The following NPHP3 variants were observed in gnomAD, a reference collection of about 807,000 sequenced individuals.
NPHP3 encodes the protein nephrocystin-3.
A neutral mutation model predicts 171.9 loss-of-function variants in NPHP3; 123 were observed. The observed-to-expected ratio is 0.72, with a 90% CI of 0.62 to 0.83. The LOEUF (loss-of-function observed/expected upper bound fraction) is 0.83. NPHP3 is among the 40% of genes least tolerant of loss of function. The pLI is 0.00. For synonymous variants in NPHP3, 558 were observed against 579.2 expected (o/e 0.96, Z 0.52); for missense variants, 1,506 against 1,591.9 (o/e 0.95, Z 0.92).
chr3:132,702,953 A>T (rs892119309), intron 9 of NPHP3, among the ~76,000 whole-genome samples: 1 of 152,180 alleles, frequency 6.6e-6, no homozygotes, highest in Non-Finnish European at 1.5e-5. Context: ...GCCAGAAAAG[A>T]ACGAGGTTCA....
intron 9 of NPHP3, 24 bp downstream of exon 9, chr3:132,704,174 T>C: frequency 6.2e-7 from 1 of 1,608,994 alleles, no homozygotes; most frequent in Non-Finnish European, 8.5e-7. Flanking sequence ...AGATCTTTGT[T>C]GCAATAATAC....
At position 132,684,664 on chromosome 3, in the gene NPHP3, C is replaced by A. The variant is rs1939110804; in HGVS notation, c.3460G>T (p.Ala1154Ser). Reference protein sequence around the residue: ...LCNEKKQYDKAEELYERALDI... With the variant: ...LCNEKKQYDKSEELYERALDI... ...AAAGCTCTTTCATAAAGTTCTTCTG[C>A]TTTATCATACTGTTTCTTTTCATTG... The change falls in exon 24 of 27, where the codon GCA (alanine) becomes TCA (serine). Residue 1154 changes from alanine (A) to serine (S), a missense_variant. Physicochemically the swap from Ala to Ser is moderately conservative, Grantham distance 99 (BLOSUM62 1). Transcript: ENST00000337331. 1 of 1,613,946 alleles carries A rather than the reference C, an allele frequency of 6.2e-7. No homozygotes were observed. The highest frequency in any genetic ancestry group is 1.3e-5 in the African/African-American group (1 of 74,934).
At chr3:132,690,691 A>G (rs780787029) in intron 18 of NPHP3, 41 bp from the exon 19 acceptor site, 9 of 1,607,468 alleles carry the variant, frequency 5.6e-6, no homozygotes, top group Admixed American at 1.7e-5. Context: ...TCTTCCTACA[A>G]TGAGACTGCT....
intron 15 of NPHP3, chr3:132,695,251 T>C (rs554516184): frequency 9.0e-6 from 3 of 333,316 alleles, no homozygotes; most frequent in East Asian, 6.7e-5. Flanking sequence ...ACGGTTCTTA[T>C]TATCCAGAAG....
intron 8 of NPHP3, among the ~76,000 whole-genome samples, chr3:132,705,349 C>G (rs745588161): frequency 1.2e-4 from 18 of 152,136 alleles, no homozygotes; most frequent in South Asian, 2.1e-4. Context: ...GCTTTCATCC[C>G]CCTCTTCTGT....
intron 16 of NPHP3, 132 bp downstream of exon 16, chr3:132,694,695 T>C: frequency 2.1e-6 from 2 of 954,420 alleles, no homozygotes; most frequent in Non-Finnish European, 1.6e-6. Flanking sequence ...ACAAGCACAC[T>C]ATGGCTATCA....
chr3:132,710,226 T>C (rs913543753), intron 6 of NPHP3, among the ~76,000 whole-genome samples: 3 of 151,926 alleles, frequency 2.0e-5, no homozygotes, highest in African/African-American at 7.3e-5. Flanking sequence ...AGATGTAGCT[T>C]TGTGGGGCTG....
chr3:132,709,444 A>G (rs951508046), intron 6 of NPHP3, among the ~76,000 whole-genome samples: 2 of 151,908 alleles, frequency 1.3e-5, no homozygotes, highest in Non-Finnish European at 2.9e-5. Flanking sequence ...CACCACACCC[A>G]GCTAATTTTT....
rs200233813 is a variant in NPHP3, at chr3:132,722,024, G to A, written c.332C>T (p.Ser111Phe). The A allele has an allele frequency of 1.0e-4, 166 of 1,613,106 alleles. No individual in the cohort carries two copies. Among genetic ancestry groups the A allele is most frequent in the Non-Finnish European group, 1.3e-4 (154 of 1,179,906 alleles). Residue 111 changes from serine to phenylalanine, a missense_variant, in exon 1 of 27, where the codon TCC becomes TTC. Coordinates refer to ENST00000337331, the MANE Select transcript of NPHP3 (RefSeq NM_153240.5). ...FRVSKNQELL[S>F]MGRREAKLDT... ...CAGCTTGGCCTCGCGGCGGCCCATG[G>A]ACAACAACTCCTGGTTCTTGCTGAC...
chr3:132,697,307 T>C lies in NPHP3; in HGVS notation c.2041A>G (p.Ile681Val), dbSNP rs1218293876. 9.9e-6 allele frequency: 16 copies of C among 1,612,468 alleles called. No homozygotes were observed. Among genetic ancestry groups the C allele is most frequent in the African/African-American group, 2.7e-5 (2 of 74,926 alleles). Reference protein sequence around the residue: ...PLSPKDAKSIIIAECHSVDIK... With the variant: ...PLSPKDAKSIVIAECHSVDIK... ...TCTACAGAGTGGCATTCTGCAATTA[T>C]AATAGATTTTGCATCTTTTGGACTT... The change falls in exon 14 of 27, where the codon ATA becomes GTA. Residue 681 changes from isoleucine to valine, a missense_variant. Physicochemically the swap from Ile to Val is conservative, Grantham distance 29 (BLOSUM62 3). This residue lies in a region of NPHP3 where 930 missense variants were observed against 924.9 expected (regional missense o/e 1.01). Transcript: ENST00000337331.
chr3:132,692,857 C>T, intron 16 of NPHP3, 39 bp from the exon 17 acceptor site: 1 of 1,566,880 alleles, frequency 6.4e-7, no homozygotes, highest in Non-Finnish European at 8.8e-7. Context: ...CATAAAGCAC[C>T]TGTATAAGTA....
rs768252356 is a variant in NPHP3 at position 132,713,225 on chromosome 3, T to C, written c.1019A>G (p.Tyr340Cys). 6.2e-7 allele frequency: 1 copy of C among 1,600,174 alleles called. No individual in the cohort carries two copies. The highest frequency in any genetic ancestry group is 8.5e-7 in the Non-Finnish European group (1 of 1,170,878). ...TTGATTTTCAACATCTATTGGAAAA[T>C]AAACAGCATGGAAAAAATATCCCAT... ...ETMGYFFHAV[Y>C]FPIDVENQYL... Residue 340 changes from tyrosine (Y) to cysteine (C), a missense_variant, in exon 6 of 27, where the codon TAT becomes TGT. Tyr to Cys is a radical substitution (Grantham distance 194, BLOSUM62 -2). This residue lies in a region of NPHP3 where 930 missense variants were observed against 924.9 expected (regional missense o/e 1.01). Coordinates refer to ENST00000337331, the MANE Select transcript of NPHP3 (RefSeq NM_153240.5).
intron 2 of NPHP3, 52 bp from the exon 3 acceptor site, chr3:132,719,196 G>T: frequency 7.0e-7 from 1 of 1,419,566 alleles, no homozygotes; most frequent in Non-Finnish European, 9.7e-7. Context: ...TCAAAAAGTT[G>T]TGTCATCAAC....
chr3:132,701,325 T>C, intron 10 of NPHP3, 105 bp downstream of exon 10: 1 of 749,090 alleles, frequency 1.3e-6, no homozygotes, highest in Non-Finnish European at 2.4e-6. Flanking sequence ...ACTTTGTTAA[T>C]GTTTAGTGTA....
intron 15 of NPHP3, 30 bp downstream of exon 15, chr3:132,696,701 A>G (rs1316403744): frequency 1.9e-6 from 3 of 1,595,700 alleles, no homozygotes; most frequent in African/African-American, 2.7e-5. Flanking sequence ...CAAAACATGC[A>G]GAAGATCATG....
chr3:132,708,235 C>T lies in NPHP3; in HGVS notation c.1141G>A (p.Glu381Lys), dbSNP rs748615630. The T allele has an allele frequency of 9.9e-6, 16 of 1,614,022 alleles. No homozygotes were observed. In the African/African-American group the frequency reaches 1.1e-4, roughly 11 times the overall value. ...CCTTCAGGGTTTTTCAGAAAAGCTTCTTCACAGTCTTCCAATAAAAGGCTA... is the reference window on the plus strand; with the variant it reads ...CCTTCAGGGTTTTTCAGAAAAGCTTTTTCACAGTCTTCCAATAAAAGGCTA... Reference protein sequence around the residue: ...LPSLLLEDCEEAFLKNPEGKP... With the variant: ...LPSLLLEDCEKAFLKNPEGKP... The change falls in exon 7 of 27, where the codon GAA becomes AAA. Residue 381 changes from glutamate (E) to lysine (K), a missense_variant. Glu to Lys is a moderately conservative substitution (Grantham distance 56). This residue lies in a region of NPHP3 where 930 missense variants were observed against 924.9 expected (regional missense o/e 1.01). Transcript: ENST00000337331.
chr3:132,722,218 G>C lies in NPHP3; in HGVS notation c.138C>G (p.Arg46=). The part of the protein sequence containing the change: ...PKARLLRNSF[R]RGAGAAAGAG... ...CCCCTGCTGCCGCCCCCGCGCCTCGGCGGAACGAGTTGCGCAGCAGGCGGG... is the reference window on the plus strand; with the variant it reads ...CCCCTGCTGCCGCCCCCGCGCCTCGCCGGAACGAGTTGCGCAGCAGGCGGG... The change falls in exon 1 of 27, where the codon CGC becomes CGG. Residue 46 remains arginine (R), a synonymous_variant. Coordinates refer to ENST00000337331, the MANE Select transcript of NPHP3 (RefSeq NM_153240.5). The C allele has an allele frequency of 6.5e-7, 1 of 1,538,508 alleles. No individual in the cohort carries two copies. Among genetic ancestry groups the C allele is most frequent in the African/African-American group, 1.4e-5 (1 of 70,292 alleles).
At chr3:132,721,888 G>A (rs1198053418) in intron 1 of NPHP3, 75 bp downstream of exon 1, 20 of 1,558,774 alleles carry the variant, frequency 1.3e-5, no homozygotes, top group Middle Eastern at 1.7e-4. Flanking sequence ...TTTCAAAGCC[G>A]CTTGGTTTGG....
At chr3:132,700,624 A>T (rs1939583412) in intron 10 of NPHP3, among the ~76,000 whole-genome samples, 176 bp from the exon 11 acceptor site, 1 of 152,226 alleles carries the variant, frequency 6.6e-6, no homozygotes, top group Non-Finnish European at 1.5e-5. Flanking sequence ...ATCCTTCTAA[A>T]TAATCTTTTA....
Sources: allele counts gnomAD v4.1 joint callset (sites outside exome capture counted in the v4.1 genomes callset), GRCh38; gene constraint gnomAD v4.1.1; regional missense constraint gnomAD v4.1.1; transcripts MANE v1.5; gene names NCBI Gene and HGNC (gene_info 2026-07-23, HGNC 2026-07-21).